Variants in GRID2 observed in about 807,000 individuals in gnomAD.
The protein encoded by GRID2 is glutamate ionotropic receptor delta type subunit 2.
A neutral mutation model predicts 114.8 loss-of-function variants in GRID2; 33 were observed. The ratio of observed to expected loss-of-function variants is 0.29; its 90% CI spans 0.22 to 0.38. The LOEUF (loss-of-function observed/expected upper bound fraction) is 0.38. Among genes scored for constraint, GRID2 ranks in the 10% least tolerant of loss-of-function variants. The pLI, the probability that GRID2 is intolerant of heterozygous loss-of-function variation, is 1.00. For synonymous variants in GRID2, 505 were observed against 449.9 expected (o/e 1.12, Z -1.55); for missense variants, 1,184 against 1,257.7 (o/e 0.94, Z 0.89).
intron 2 of GRID2, among the ~76,000 whole-genome samples, chr4:93,007,032 G>A (rs1259839428): frequency 1.3e-5 from 2 of 151,796 alleles, no homozygotes; most frequent in Non-Finnish European, 2.9e-5. Flanking sequence ...AATGGAGAAA[G>A]CATACAAAGA....
chr4:92,441,140 A>G (rs1350942474), intron 1 of GRID2, among the ~76,000 whole-genome samples: 1 of 152,080 alleles, frequency 6.6e-6, no homozygotes, highest in Non-Finnish European at 1.5e-5. Flanking sequence ...TTGTGTAAGA[A>G]TTCTGACCGC....
intron 2 of GRID2, among the ~76,000 whole-genome samples, chr4:93,006,439 G>C (rs973217222): frequency 6.6e-6 from 1 of 151,994 alleles, no homozygotes; most frequent in Non-Finnish European, 1.5e-5. Flanking sequence ...AGATGAAATA[G>C]AAAAGAAGGT....
At chr4:92,352,018 C>G (rs1370266408) in intron 1 of GRID2, among the ~76,000 whole-genome samples, 1 of 151,844 alleles carries the variant, frequency 6.6e-6, no homozygotes, top group Non-Finnish European at 1.5e-5. Flanking sequence ...AGGTAAATAA[C>G]AAGTAGTGGG....
At chr4:93,238,314 TA>T in intron 7 of GRID2, 56 bp from the exon 8 acceptor site, 1 of 1,306,016 alleles carries the variant, frequency 7.7e-7, no homozygotes, top group African/African-American at 1.5e-5. Flanking sequence ...CTTTTATGTT[TA>T]TTTATTTATT....
intron 2 of GRID2, among the ~76,000 whole-genome samples, chr4:92,819,308 G>A (rs911481595): frequency 6.6e-6 from 1 of 152,054 alleles, no homozygotes; most frequent in East Asian, 1.9e-4. Context: ...AACCCCAATT[G>A]CTGAGAGAGG....
intron 2 of GRID2, among the ~76,000 whole-genome samples, chr4:92,996,197 G>C (rs1245499385): frequency 1.3e-5 from 2 of 151,904 alleles, no homozygotes; most frequent in Non-Finnish European, 2.9e-5. Context: ...GGCTGAGGCA[G>C]GGGAATGGCT....
chr4:93,335,694 C>CTTTTTTTTTTTTTTTTTTTTTTTTT (rs55823712), intron 8 of GRID2, among the ~76,000 whole-genome samples: 2 of 141,726 alleles, frequency 1.4e-5, no homozygotes, highest in African/African-American at 5.4e-5. Flanking sequence ...TTTCTTCTTT[C>CTTTTTTTTTTTTTTTTTTTTTTTTT]TTTTTTTTTT....
At chr4:93,647,641 C>G (rs1179174904) in intron 14 of GRID2, among the ~76,000 whole-genome samples, 2 of 152,142 alleles carry the variant, frequency 1.3e-5, no homozygotes, top group Non-Finnish European at 2.9e-5. Context: ...AGTTCATCTT[C>G]TTAGGTCACA....
rs187030644 is a variant in GRID2 at position 93,687,868 on chromosome 4, A to G, written c.2360+61433A>G. On this transcript the variant is annotated intron_variant, in intron 14 of 15. Coordinates refer to ENST00000282020, the MANE Select transcript of GRID2 (RefSeq NM_001510.4). ...AGTTTTAAGATTATAAAAGTATATTATGTATGAATTCTAATGGAAATGATC... is the reference window on the plus strand; with the variant it reads ...AGTTTTAAGATTATAAAAGTATATTGTGTATGAATTCTAATGGAAATGATC... Among the ~76,000 whole-genome samples the G allele has an allele frequency of 1.2e-3, 179 of 152,090 alleles. 1 individual carries two copies. The highest frequency in any genetic ancestry group is 4.2e-3 in the African/African-American group (173 of 41,526).
chr4:93,402,897 A>T (rs1766034474), intron 9 of GRID2, among the ~76,000 whole-genome samples: 2 of 152,288 alleles, frequency 1.3e-5, no homozygotes, highest in African/African-American at 4.8e-5. Flanking sequence ...ATTTTTTGCT[A>T]AGGACATTGT....
At chr4:93,013,046 G>A (rs1474810523) in intron 2 of GRID2, among the ~76,000 whole-genome samples, 1 of 152,036 alleles carries the variant, frequency 6.6e-6, no homozygotes, top group East Asian at 1.9e-4. Flanking sequence ...TACCAGGCAG[G>A]ATTAATATGA....
chr4:93,193,754 T>C lies in GRID2; in HGVS notation c.736-13650T>C, dbSNP rs1257573713. Among the ~76,000 whole-genome samples the C allele has an allele frequency of 2.0e-5, 3 of 152,172 alleles. No homozygotes were observed. The East Asian group carries it at 5.8e-4, about 29-fold the overall frequency. ...CTAACTGTGAAACACTGATAATTATTTCAGTAAACTATGATACATATAAGA... is the reference window on the plus strand; with the variant it reads ...CTAACTGTGAAACACTGATAATTATCTCAGTAAACTATGATACATATAAGA... On this transcript the variant is annotated intron_variant, in intron 4 of 15. Coordinates refer to ENST00000282020, the MANE Select transcript of GRID2 (RefSeq NM_001510.4).
At chr4:92,790,528 A>G (rs1739533033) in intron 2 of GRID2, among the ~76,000 whole-genome samples, 1 of 151,488 alleles carries the variant, frequency 6.6e-6, no homozygotes, top group South Asian at 2.1e-4. Flanking sequence ...TGATTCTCTC[A>G]CCTCACCTGT....
In GRID2 at chr4:93,368,362, A is replaced by G. The variant is rs185680535; in HGVS notation, c.1246-27245A>G. Reference sequence around the variant, plus strand: ...CTTAACTATGTTACATTCTTAAGTTACATTCTTAACTATGGGGATATAGTA... The same window carrying G: ...CTTAACTATGTTACATTCTTAAGTTGCATTCTTAACTATGGGGATATAGTA... On this transcript the variant is annotated intron_variant, in intron 8 of 15. Transcript: ENST00000282020. Among the ~76,000 whole-genome samples the G allele has an allele frequency of 8.3e-4, 126 of 152,210 alleles. 1 individual carries two copies. The highest frequency in any genetic ancestry group is 2.8e-3 in the African/African-American group (116 of 41,530).
chr4:93,321,972 A>G (rs1757265873), intron 8 of GRID2, among the ~76,000 whole-genome samples: 1 of 151,796 alleles, frequency 6.6e-6, no homozygotes, highest in South Asian at 2.1e-4. Flanking sequence ...AGATTTATCC[A>G]TAAGTTTAAT....
intron 1 of GRID2, among the ~76,000 whole-genome samples, chr4:92,488,580 A>G: frequency 1.3e-5 from 2 of 152,276 alleles, no homozygotes; most frequent in South Asian, 4.1e-4. Flanking sequence ...CTCCACAAGC[A>G]AGGCAAAATT....
intron 2 of GRID2, among the ~76,000 whole-genome samples, chr4:92,797,507 A>G (rs1242992166): frequency 1.3e-5 from 2 of 152,002 alleles, no homozygotes; most frequent in Non-Finnish European, 2.9e-5. Context: ...TGCTAAATGT[A>G]TGCACATGTT....
intron 8 of GRID2, chr4:93,319,717 C>T (rs995211458): frequency 2.0e-5 from 3 of 152,052 alleles, no homozygotes; most frequent in Admixed American, 6.6e-5. Flanking sequence ...TGGGAAGGAC[C>T]TGAGAGCAGC....
chr4:92,625,255 G>A (rs1218570519), intron 2 of GRID2, among the ~76,000 whole-genome samples: 2 of 151,492 alleles, frequency 1.3e-5, no homozygotes, highest in East Asian at 1.9e-4. Flanking sequence ...TGGTTAATTT[G>A]CAATTTCATG....
Sources: allele counts gnomAD v4.1 joint callset (sites outside exome capture counted in the v4.1 genomes callset), GRCh38; gene constraint gnomAD v4.1.1; transcripts MANE v1.5; gene names NCBI Gene and HGNC (gene_info 2026-07-23, HGNC 2026-07-21).